DSCAM: variants seen among roughly 807,000 people sequenced by gnomAD.
DSCAM encodes cell adhesion molecule DSCAM.
In DSCAM, 47 loss-of-function variants were observed where a neutral mutation model predicts 217.7. That is an observed-to-expected ratio of 0.22 (90% CI 0.17 to 0.28). The LOEUF (loss-of-function observed/expected upper bound fraction) is 0.28, where lower values mean the gene tolerates loss of function less well. DSCAM is among the 10% of genes least tolerant of loss of function. DSCAM has a pLI of 1.00. For synonymous variants in DSCAM, 1,056 were observed against 1,015.3 expected, an observed-to-expected ratio of 1.04 and a Z score of -0.76; for missense variants, 2,080 against 2,618.3, an observed-to-expected ratio of 0.79 and a Z score of 4.49.
At chr21:40,731,789 T>C (rs1293323256) in intron 1 of DSCAM, among the ~76,000 whole-genome samples, 1 of 127,186 alleles carries the variant, frequency 7.9e-6, no homozygotes, top group Non-Finnish European at 1.6e-5. Context: ...AGTGCAATGG[T>C]GCGATCTCAG....
At chr21:40,670,645 T>C (rs954149198) in intron 3 of DSCAM, among the ~76,000 whole-genome samples, 7 of 152,234 alleles carry the variant, frequency 4.6e-5, no homozygotes, top group Admixed American at 6.5e-5. Context: ...CTCAAGATTG[T>C]TGTGGCATAT....
In DSCAM at chr21:40,562,333, A is replaced by G. The variant is rs180764779; in HGVS notation, c.508+130477T>C. Among the ~76,000 whole-genome samples, 132 of 152,266 alleles carry G rather than the reference A, an allele frequency of 8.7e-4. 1 individual carries two copies. Among genetic ancestry groups the G allele is most frequent in the African/African-American group, 3.0e-3 (123 of 41,544 alleles). On this transcript the variant is annotated intron_variant, in intron 3 of 32. Coordinates refer to ENST00000400454, the MANE Select transcript of DSCAM (RefSeq NM_001389.5). ...GCTCTCTCACCTTCTCTCTCAGGCC[A>G]TGTAAGATGTGCCTGCCTCCCCTTC...
chr21:40,510,502 G>T (rs79153751), intron 3 of DSCAM, among the ~76,000 whole-genome samples: 1 of 152,156 alleles, frequency 6.6e-6, no homozygotes, highest in East Asian at 1.9e-4. Context: ...CAAACGTGAC[G>T]ATTGACAAAG....
intron 32 of DSCAM, among the ~76,000 whole-genome samples, chr21:40,030,001 CGCACACACATGCGT>C (rs1182958148): frequency 1.3e-5 from 2 of 152,370 alleles, no homozygotes; most frequent in Admixed American, 1.3e-4. Context: ...CGTGTGCTTG[CGCACACACATGCGT>C]GCACACATAC....
At chr21:40,281,848 T>C (rs1302670145) in intron 10 of DSCAM, among the ~76,000 whole-genome samples, 1 of 152,248 alleles carries the variant, frequency 6.6e-6, no homozygotes, top group Non-Finnish European at 1.5e-5. Flanking sequence ...TTTTGTCTTT[T>C]TCTTCATTTT....
At chr21:40,339,436 G>C (rs1482761165) in intron 6 of DSCAM, 21 bp from the exon 7 acceptor site, 1 of 1,572,926 alleles carries the variant, frequency 6.4e-7, no homozygotes, top group Non-Finnish European at 8.6e-7. Flanking sequence ...ACAAATTATG[G>C]AAGAAAGTGG....
rs1045154957 is a variant in DSCAM at position 40,011,762 on chromosome 21, G to A, written c.*1272C>T. On this transcript the variant is annotated 3_prime_UTR_variant, in exon 33 of 33. Coordinates refer to ENST00000400454, the MANE Select transcript of DSCAM (RefSeq NM_001389.5). ...TTTAGAGGAACATCACTTTCCTCTG[G>A]TTACAGAGGATTCAGGCAATGTTTA... The A allele has an allele frequency of 6.6e-6, 1 of 152,148 alleles. No individual in the cohort carries two copies. The highest frequency in any genetic ancestry group is 6.5e-5 in the Admixed American group (1 of 15,274). The allele number at this position is 152,148 out of a possible 1,614,324, so 9.4% of individuals were successfully genotyped here.
chr21:40,426,352 G>C (rs182922928), intron 3 of DSCAM, among the ~76,000 whole-genome samples: 3 of 152,336 alleles, frequency 2.0e-5, no homozygotes, highest in Admixed American at 2.0e-4. Context: ...CTCTCCATTT[G>C]TCCTTTCATT....
chr21:40,075,298 G>A (rs145146245), intron 26 of DSCAM, 85 bp from the exon 27 acceptor site: 95 of 1,454,396 alleles, frequency 6.5e-5, no homozygotes, highest in African/African-American at 3.5e-4. Flanking sequence ...TAAAAATCGC[G>A]CTGTGTGATC....
At position 40,338,141 on chromosome 21, in the gene DSCAM, T is replaced by C. The variant is rs372749081; in HGVS notation, c.1743A>G (p.Pro581=). The C allele has an allele frequency of 1.9e-6, 3 of 1,614,136 alleles. No homozygotes were observed. Among genetic ancestry groups the C allele is most frequent in the Non-Finnish European group, 1.7e-6 (2 of 1,180,058 alleles). Residue 581 remains proline (P), a synonymous_variant, in exon 8 of 33, where the codon CCA becomes CCG. Coordinates refer to ENST00000400454, the MANE Select transcript of DSCAM (RefSeq NM_001389.5). ...GGACGCTCTGGCTGGTGGAGAGTTG[T>C]GGTTGAACCAACACGTTGCACGTGT... ...GEYTCNVLVQ[P]QLSTSQSVHV...
In DSCAM at chr21:40,137,602, C is replaced by CACACACAT. The variant is rs1478566991; in HGVS notation, c.3407-3594_3407-3593insATGTGTGT. On this transcript the variant is annotated intron_variant, in intron 18 of 32. Coordinates refer to ENST00000400454, the MANE Select transcript of DSCAM (RefSeq NM_001389.5). ...TCTGTAGGGCTGTTTAATACACACA[C>CACACACAT]ACACACACACACACACACACACACA... is the stretch of plus-strand genomic sequence containing the variant. Among the ~76,000 whole-genome samples, 72 of 101,374 alleles carry CACACACAT rather than the reference C, an allele frequency of 7.1e-4. 1 individual carries two copies. The highest frequency in any genetic ancestry group is 2.9e-3 in the African/African-American group (70 of 24,458). The allele number at this position is 101,374 out of a possible 152,430, so 66.5% of individuals were successfully genotyped here.
chr21:40,064,325 A>C (rs998182076), intron 27 of DSCAM, among the ~76,000 whole-genome samples: 5 of 152,122 alleles, frequency 3.3e-5, no homozygotes, highest in African/African-American at 1.2e-4. Flanking sequence ...CACACTTGAA[A>C]GAGTTCTCAG....
At chr21:40,475,228 T>C (rs1212478822) in intron 3 of DSCAM, among the ~76,000 whole-genome samples, 1 of 152,230 alleles carries the variant, frequency 6.6e-6, no homozygotes, top group Non-Finnish European at 1.5e-5. Flanking sequence ...TTATTCCACG[T>C]TTAAACCTTC....
At position 40,609,098 on chromosome 21, in the gene DSCAM, G is replaced by T. The variant is rs768580595; in HGVS notation, c.508+83712C>A. ...GGCCCCTGCATAGCTTGGACTGCAGGTATGTGACACCATGACCAGCTATTT... is the reference window on the plus strand; with the variant it reads ...GGCCCCTGCATAGCTTGGACTGCAGTTATGTGACACCATGACCAGCTATTT... On this transcript the variant is annotated intron_variant, in intron 3 of 32. Transcript: ENST00000400454. Among the ~76,000 whole-genome samples the T allele has an allele frequency of 4.6e-5, 7 of 152,228 alleles. No individual in the cohort carries two copies. The East Asian group carries it at 1.4e-3, about 29-fold the overall frequency.
chr21:40,836,069 G>T (rs1379547731), intron 1 of DSCAM, among the ~76,000 whole-genome samples: 1 of 152,120 alleles, frequency 6.6e-6, no homozygotes, highest in Non-Finnish European at 1.5e-5. Context: ...TCCCAAGGCG[G>T]CATCAAAGCA....
intron 11 of DSCAM, among the ~76,000 whole-genome samples, chr21:40,273,606 C>T (rs1011588048): frequency 1.1e-4 from 17 of 152,264 alleles, no homozygotes; most frequent in East Asian, 3.9e-4. Flanking sequence ...TCTTTAAGAC[C>T]GAACTCAGAT....
Position 40,144,294 on chromosome 21 carries a change from C to A in DSCAM, c.3259+197G>T, listed in dbSNP as rs1268427888. ...GGGAGGGACTTGCTGGCTTTGCAGT[C>A]CAGCCCTGCCCCAGGGCGGGCAGAT... On this transcript the variant is annotated intron_variant, in intron 17 of 32. Transcript: ENST00000400454. This position sits in a 1 kb window ranked among gnomAD's most constrained non-coding sequence, Gnocchi z 4.8. 6.6e-6 allele frequency among the ~76,000 whole-genome samples: 1 copy of A among 152,126 alleles called. No individual in the cohort carries two copies. The highest frequency in any genetic ancestry group is 1.5e-5 in the Non-Finnish European group (1 of 68,024).
At chr21:40,375,276 T>C (rs1482730180) in intron 3 of DSCAM, among the ~76,000 whole-genome samples, 1 of 152,214 alleles carries the variant, frequency 6.6e-6, no homozygotes, top group Non-Finnish European at 1.5e-5. Context: ...CAATTTAATC[T>C]CTATTCAACA....
chr21:40,612,772 A>C (rs945473667), intron 3 of DSCAM, among the ~76,000 whole-genome samples: 6 of 152,228 alleles, frequency 3.9e-5, no homozygotes, highest in Non-Finnish European at 8.8e-5. Context: ...TGTGGACAAT[A>C]GTAACTGAAC....
Sources: allele counts gnomAD v4.1 joint callset (sites outside exome capture counted in the v4.1 genomes callset), GRCh38; gene constraint gnomAD v4.1.1; non-coding constraint Gnocchi (gnomAD v3.1); transcripts MANE v1.5; gene names NCBI Gene and HGNC (gene_info 2026-07-23, HGNC 2026-07-21).